DPP6: variants seen among roughly 807,000 people sequenced by gnomAD.
DPP6 encodes the protein A-type potassium channel modulatory protein DPP6.
DPP6 carries 69 observed loss-of-function variants against 122.6 expected under a neutral mutation model. That is an observed-to-expected ratio of 0.56 (90% confidence interval 0.46 to 0.69). The LOEUF (loss-of-function observed/expected upper bound fraction) is 0.69. DPP6 is among the 30% of genes least tolerant of loss of function. The pLI, the probability that DPP6 is intolerant of heterozygous loss-of-function variation, is 0.00. For synonymous variants in DPP6, 418 were observed against 433.1 expected (o/e 0.97, Z 0.43); for missense variants, 928 against 1,116.9 (o/e 0.83, Z 2.41).
At chr7:153,805,434 T>G in the DPP6 span, among the ~76,000 whole-genome samples, 1 of 152,216 alleles carries the variant, frequency 6.6e-6, no homozygotes, top group African/African-American at 2.4e-5. Context: ...GGGTTAAGTT[T>G]TGAAAGAGTG....
At chr7:154,790,840 G>A (rs1307771286) in intron 10 of DPP6, among the ~76,000 whole-genome samples, 3 of 142,554 alleles carry the variant, frequency 2.1e-5, no homozygotes, top group Non-Finnish European at 3.1e-5. Flanking sequence ...AGGAAAGGAA[G>A]GAGGGAGGGA....
At chr7:154,378,595 GAGAGAGA>G (rs1295440827) in intron 1 of DPP6, among the ~76,000 whole-genome samples, 2 of 152,180 alleles carry the variant, frequency 1.3e-5, no homozygotes, top group African/African-American at 4.8e-5. Context: ...GTCAGAAAGA[GAGAGAGA>G]AGAGAAAACT....
chr7:153,867,078 T>C, the DPP6 span, among the ~76,000 whole-genome samples: 1 of 152,198 alleles, frequency 6.6e-6, no homozygotes, highest in Non-Finnish European at 1.5e-5. Flanking sequence ...TGAAGTCAGG[T>C]AGCGTGATGC....
chr7:153,786,536 G>T, the DPP6 span, among the ~76,000 whole-genome samples: 1 of 151,194 alleles, frequency 6.6e-6, no homozygotes, highest in Non-Finnish European at 1.5e-5. Flanking sequence ...TCAGGAGATC[G>T]AGACCATCCT....
At chr7:154,847,328 AT>A (rs1802020696) in intron 16 of DPP6, among the ~76,000 whole-genome samples, 1 of 152,234 alleles carries the variant, frequency 6.6e-6, no homozygotes, top group Non-Finnish European at 1.5e-5. Context: ...TGTGGTAGAA[AT>A]ATCTTTTAAA....
intron 10 of DPP6, among the ~76,000 whole-genome samples, chr7:154,792,496 T>G (rs1797744900): frequency 6.6e-6 from 1 of 152,220 alleles, no homozygotes; most frequent in Non-Finnish European, 1.5e-5. Flanking sequence ...CCAAATCCCA[T>G]CATTATAAAT....
chr7:154,790,880 G>A (rs1480872867), intron 10 of DPP6, among the ~76,000 whole-genome samples: 2 of 151,580 alleles, frequency 1.3e-5, no homozygotes, highest in East Asian at 1.9e-4. Flanking sequence ...GGAAAAAAGA[G>A]ATGATCTAGC....
At chr7:154,522,371 G>A (rs1023403100) in intron 3 of DPP6, among the ~76,000 whole-genome samples, 50 of 152,148 alleles carry the variant, frequency 3.3e-4, no homozygotes, top group African/African-American at 1.2e-3. Flanking sequence ...GCGTAAGTTG[G>A]AATCAAGAGG....
At chr7:154,374,113 A>T (rs536305028) in intron 1 of DPP6, among the ~76,000 whole-genome samples, 4 of 152,234 alleles carry the variant, frequency 2.6e-5, no homozygotes, top group Non-Finnish European at 5.9e-5. Context: ...GTGTCACGCC[A>T]TCAGGCTCTT....
At chr7:154,112,409 C>G (rs1190703237) in intron 1 of DPP6, among the ~76,000 whole-genome samples, 4 of 152,050 alleles carry the variant, frequency 2.6e-5, no homozygotes, top group Non-Finnish European at 5.9e-5. Context: ...TTTTGGGAGG[C>G]TGAGGCGGGT....
chr7:154,858,973 G>A (rs1481214694), intron 17 of DPP6, among the ~76,000 whole-genome samples: 1 of 152,160 alleles, frequency 6.6e-6, no homozygotes. Context: ...GGCGAGGCCC[G>A]GACTCTTGTC....
chr7:154,224,623 A>G lies in DPP6; in HGVS notation c.243+171560A>G, dbSNP rs1263549723. Among the ~76,000 whole-genome samples, 2 of 149,356 alleles carry G rather than the reference A, an allele frequency of 1.3e-5. 1 individual carries two copies. The highest frequency in any genetic ancestry group is 5.1e-5 in the African/African-American group (2 of 39,244). ...AATACCATATGTGGTGAACATTTCC[A>G]AATTCCTTAACTGTGTGACACTTCA... On this transcript the variant is annotated intron_variant, in intron 1 of 25. Coordinates refer to ENST00000377770, the MANE Select transcript of DPP6 (RefSeq NM_130797.4).
rs2150711017 is a variant in DPP6, at chr7:154,162,842, A to G, written c.243+109779A>G. Among the ~76,000 whole-genome samples the G allele has an allele frequency of 2.6e-5, 4 of 152,134 alleles. No individual in the cohort carries two copies. In the South Asian group the frequency reaches 8.3e-4, roughly 32 times the overall value. Reference sequence around the variant, plus strand: ...GGAACTCTGCACCTGGAGTCTGACTAGCATTGAGTGGAACTTGCTAGTGTT... The same window carrying G: ...GGAACTCTGCACCTGGAGTCTGACTGGCATTGAGTGGAACTTGCTAGTGTT... On this transcript the variant is annotated intron_variant, in intron 1 of 25. Coordinates refer to ENST00000377770, the MANE Select transcript of DPP6 (RefSeq NM_130797.4).
At chr7:153,767,371 T>G in the DPP6 span, among the ~76,000 whole-genome samples, 6 of 151,964 alleles carry the variant, frequency 3.9e-5, no homozygotes, top group South Asian at 4.2e-4. Context: ...TGAGAAACTT[T>G]TTGTTGTTGT....
intron 3 of DPP6, among the ~76,000 whole-genome samples, chr7:154,496,272 A>G (rs73729311): frequency 0.079 from 12,101 of 152,214 alleles, 1,542 homozygotes; most frequent in African/African-American, 0.27. Context: ...CTCAGAATCC[A>G]AGACTGCAAA....
chr7:154,437,138 C>T (rs1308140887), intron 1 of DPP6, among the ~76,000 whole-genome samples: 1 of 152,150 alleles, frequency 6.6e-6, no homozygotes, highest in Non-Finnish European at 1.5e-5. Context: ...ACTAAGGTTA[C>T]AGGTGAATAA....
At chr7:154,569,656 A>G (rs1830986735) in intron 5 of DPP6, among the ~76,000 whole-genome samples, 1 of 151,836 alleles carries the variant, frequency 6.6e-6, no homozygotes, top group African/African-American at 2.4e-5. Context: ...CTGTCCAATT[A>G]CTAGATATCT....
At chr7:154,811,881 C>T (rs575074661) in intron 16 of DPP6, among the ~76,000 whole-genome samples, 1 of 152,278 alleles carries the variant, frequency 6.6e-6, no homozygotes, top group East Asian at 1.9e-4. Flanking sequence ...CTCCTTCCCT[C>T]CTCCTGCAGC....
At chr7:153,939,508 C>G (rs866025166) in intron 1 of DPP6, among the ~76,000 whole-genome samples, 16 of 152,128 alleles carry the variant, frequency 1.1e-4, no homozygotes, top group African/African-American at 3.6e-4. Context: ...GACAGAGACA[C>G]AAAGGTGAGT....
Sources: gnomAD v4.1 joint callset for allele counts (sites outside exome capture counted in the v4.1 genomes callset) on GRCh38, gnomAD v4.1.1 for gene constraint, MANE v1.5 for transcripts, NCBI Gene and HGNC (gene_info 2026-07-23, HGNC 2026-07-21) for gene names.